The following LRRTM3 variants were observed in gnomAD, a reference collection of about 807,000 sequenced individuals.
The protein encoded by LRRTM3 is leucine rich repeat transmembrane neuronal 3.
Under a neutral mutation model 44.7 loss-of-function variants are expected in LRRTM3, and 24 were observed. The observed-to-expected ratio is 0.54, with a 90% CI of 0.39 to 0.76. The LOEUF (loss-of-function observed/expected upper bound fraction) is 0.76. Among genes scored for constraint, LRRTM3 ranks in the 30% least tolerant of loss-of-function variants. The probability of loss-of-function intolerance (pLI) is 0.00; values close to 1 mark genes in which losing one functional copy is unlikely to be tolerated. For synonymous variants in LRRTM3, 277 were observed against 278.7 expected, an observed-to-expected ratio of 0.99 and a Z score of 0.06; for missense variants, 587 against 702.2, an observed-to-expected ratio of 0.84 and a Z score of 1.85.
intron 2 of LRRTM3, among the ~76,000 whole-genome samples, chr10:66,963,489 G>A (rs987589875): frequency 9.9e-5 from 15 of 152,122 alleles, no homozygotes; most frequent in African/African-American, 3.1e-4. Context: ...AAGTAGATGT[G>A]AGCAAATAAT....
intron 2 of LRRTM3, among the ~76,000 whole-genome samples, chr10:67,044,462 T>C (rs1018426913): frequency 1.1e-4 from 16 of 152,128 alleles, no homozygotes; most frequent in Admixed American, 3.9e-4. Flanking sequence ...TCAAAATGGA[T>C]TGTCTAAAAT....
chr10:67,093,244 G>A (rs1857762378), intron 2 of LRRTM3, among the ~76,000 whole-genome samples: 1 of 151,914 alleles, frequency 6.6e-6, no homozygotes, highest in Non-Finnish European at 1.5e-5. Flanking sequence ...GCCCTTCCCT[G>A]AGCCTATTCC....
In LRRTM3 at chr10:66,944,398, C is replaced by G. The variant is rs576461910; in HGVS notation, c.1536+15946C>G. On this transcript the variant is annotated intron_variant, in intron 2 of 2. Transcript: ENST00000361320. ...TCACACTCCATCTCTAATTCTAGTTCCCCGCTATTTCCACCACATCTTCAG... is the reference window on the plus strand; with the variant it reads ...TCACACTCCATCTCTAATTCTAGTTGCCCGCTATTTCCACCACATCTTCAG... Among the ~76,000 whole-genome samples the G allele has an allele frequency of 2.4e-4, 37 of 152,220 alleles. No homozygotes were observed. The South Asian group carries it at 7.7e-3, about 32-fold the overall frequency.
At chr10:66,939,444 A>G (rs1847885101) in intron 2 of LRRTM3, among the ~76,000 whole-genome samples, 3 of 152,226 alleles carry the variant, frequency 2.0e-5, no homozygotes, top group Non-Finnish European at 4.4e-5. Flanking sequence ...CATGAAAGCA[A>G]TAATTAAAAT....
intron 2 of LRRTM3, among the ~76,000 whole-genome samples, chr10:66,934,670 T>C (rs1847591115): frequency 6.6e-6 from 1 of 152,142 alleles, no homozygotes; most frequent in Admixed American, 6.5e-5. Context: ...TATAGGACTT[T>C]ATGTATAGGG....
chr10:66,994,005 T>C (rs1851189910), intron 2 of LRRTM3, among the ~76,000 whole-genome samples: 1 of 152,150 alleles, frequency 6.6e-6, no homozygotes. Context: ...TGTAACTTGG[T>C]GAACAGACTG....
At position 66,927,517 on chromosome 10, in the gene LRRTM3, T is replaced by C. The variant is rs1374154216; in HGVS notation, c.601T>C (p.Phe201Leu). Residue 201 changes from phenylalanine to leucine, a missense_variant, in exon 2 of 3, where the codon TTT becomes CTT. Coordinates refer to ENST00000361320, the MANE Select transcript of LRRTM3 (RefSeq NM_178011.5). This position sits in a 1 kb window ranked among gnomAD's most constrained non-coding sequence, Gnocchi z 4.7. Reference sequence around the variant, plus strand: ...GATCCGAAGTTTAGCCAGGAATGTCTTTGCTGGCATGATCAGACTCAAAGA... The same window carrying C: ...GATCCGAAGTTTAGCCAGGAATGTCCTTGCTGGCATGATCAGACTCAAAGA... ...NRIRSLARNV[F>L]AGMIRLKELH... 1 of 1,614,178 alleles carries C rather than the reference T, an allele frequency of 6.2e-7. No individual in the cohort carries two copies. Among genetic ancestry groups the C allele is most frequent in the Admixed American group, 1.7e-5 (1 of 60,022 alleles).
chr10:67,074,035 T>TTC (rs1318262308), intron 2 of LRRTM3, among the ~76,000 whole-genome samples: 1 of 23,380 alleles, frequency 4.3e-5, no homozygotes, highest in African/African-American at 2.1e-4. Context: ...ATTTTAACTC[T>TTC]TTTTTTTTTT....
chr10:66,926,927 A>G lies in LRRTM3; in HGVS notation c.11A>G (p.Asn4Ser), dbSNP rs781633121. The G allele has an allele frequency of 5.8e-6, 9 of 1,560,952 alleles. No individual in the cohort carries two copies. Among genetic ancestry groups the G allele is most frequent in the African/African-American group, 2.8e-5 (2 of 72,348 alleles). MGF[N>S]VIRLLSGSAV... Reference sequence around the variant, plus strand: ...AAGTTGTTTTTATTTCCAGGTTTCAATGTAATTAGGCTACTGAGCGGATCA... The same window carrying G: ...AAGTTGTTTTTATTTCCAGGTTTCAGTGTAATTAGGCTACTGAGCGGATCA... The change falls in exon 2 of 3, where the codon AAT becomes AGT. Residue 4 changes from asparagine (N) to serine (S), a missense_variant. Asn to Ser is a conservative substitution (Grantham distance 46, BLOSUM62 1). Coordinates refer to ENST00000361320, the MANE Select transcript of LRRTM3 (RefSeq NM_178011.5).
chr10:67,061,345 C>T (rs541818850), intron 2 of LRRTM3, among the ~76,000 whole-genome samples: 1 of 152,316 alleles, frequency 6.6e-6, no homozygotes, highest in African/African-American at 2.4e-5. Flanking sequence ...TACATGATGA[C>T]AGCACTATTT....
rs547954258 is a variant in LRRTM3, at chr10:66,950,189, A to C, written c.1536+21737A>C. ...TTATAACCAAATTTAACTCTTACATAAACTATTTTCTGATACAACCAAAAG... is the reference window on the plus strand; with the variant it reads ...TTATAACCAAATTTAACTCTTACATCAACTATTTTCTGATACAACCAAAAG... On this transcript the variant is annotated intron_variant, in intron 2 of 2. Coordinates refer to ENST00000361320, the MANE Select transcript of LRRTM3 (RefSeq NM_178011.5). Among the ~76,000 whole-genome samples, 3 of 152,304 alleles carry C rather than the reference A, an allele frequency of 2.0e-5. No homozygotes were observed. The East Asian group carries it at 5.8e-4, about 29-fold the overall frequency.
intron 2 of LRRTM3, among the ~76,000 whole-genome samples, chr10:66,957,393 CATATAT>C (rs10532386): frequency 0.066 from 5,437 of 82,812 alleles, 396 homozygotes; most frequent in African/African-American, 0.24. Context: ...TATATATATA[CATATAT>C]ATATATATAT....
chr10:66,990,832 A>T (rs1851000147), intron 2 of LRRTM3, among the ~76,000 whole-genome samples: 1 of 152,200 alleles, frequency 6.6e-6, no homozygotes. Flanking sequence ...TATTCAAGGA[A>T]GTAAAATTTC....
Position 66,963,599 on chromosome 10 carries a change from G to C in LRRTM3, c.1536+35147G>C, listed in dbSNP as rs1849239985. ...GGTAGTTTGGGTAGAGAGGTTTACTGGGTTCACCCTAACCCTGACAGTTCC... is the reference window on the plus strand; with the variant it reads ...GGTAGTTTGGGTAGAGAGGTTTACTCGGTTCACCCTAACCCTGACAGTTCC... On this transcript the variant is annotated intron_variant, in intron 2 of 2. Coordinates refer to ENST00000361320, the MANE Select transcript of LRRTM3 (RefSeq NM_178011.5). Among the ~76,000 whole-genome samples, 3 of 152,080 alleles carry C rather than the reference G, an allele frequency of 2.0e-5. No homozygotes were observed. In the South Asian group the frequency reaches 6.2e-4, roughly 32 times the overall value.
intron 2 of LRRTM3, among the ~76,000 whole-genome samples, chr10:67,045,308 T>C (rs936375963): frequency 6.6e-6 from 1 of 152,180 alleles, no homozygotes; most frequent in African/African-American, 2.4e-5. Flanking sequence ...AAGGAGTCCA[T>C]GATATACTTT....
chr10:67,072,496 T>C (rs753775304), intron 2 of LRRTM3, among the ~76,000 whole-genome samples: 41 of 152,216 alleles, frequency 2.7e-4, no homozygotes, highest in Non-Finnish European at 5.0e-4. Flanking sequence ...TTCCAAACGA[T>C]ATCTTCCACC....
intron 2 of LRRTM3, among the ~76,000 whole-genome samples, chr10:66,988,889 C>T (rs901341611): frequency 1.3e-5 from 2 of 152,006 alleles, no homozygotes; most frequent in Non-Finnish European, 2.9e-5. Flanking sequence ...CACTTAAATA[C>T]ACCGGGTTCC....
At chr10:66,934,378 C>G (rs1363652639) in intron 2 of LRRTM3, among the ~76,000 whole-genome samples, 1 of 151,976 alleles carries the variant, frequency 6.6e-6, no homozygotes. Flanking sequence ...TCCTATATCA[C>G]CAAAAAATGT....
intron 2 of LRRTM3, among the ~76,000 whole-genome samples, chr10:66,965,548 A>AG (rs543131155): frequency 0.017 from 2,067 of 122,868 alleles, 58 homozygotes; most frequent in African/African-American, 0.056. Flanking sequence ...AAGAAAGAAA[A>AG]GAAAAAAAAA....
Sources: allele counts gnomAD v4.1 joint callset (sites outside exome capture counted in the v4.1 genomes callset), GRCh38; gene constraint gnomAD v4.1.1; non-coding constraint Gnocchi (gnomAD v3.1); transcripts MANE v1.5; gene names NCBI Gene and HGNC (gene_info 2026-07-23, HGNC 2026-07-21).